Variants in CTNND2 observed in about 807,000 individuals in gnomAD.
CTNND2 encodes catenin delta 2, also known as catenin delta-2.
In CTNND2, 22 loss-of-function variants were observed where a neutral mutation model predicts 144.4. The ratio of observed to expected loss-of-function variants is 0.15; its 90% CI spans 0.11 to 0.22. CTNND2 has a LOEUF of 0.22. Ranked by LOEUF, CTNND2 falls within the 10% of genes least tolerant of loss-of-function variation. CTNND2 has a pLI of 1.00. For synonymous variants in CTNND2, 751 were observed against 695.6 expected (o/e 1.08, Z -1.25); for missense variants, 1,353 against 1,618.8 (o/e 0.84, Z 2.82).
chr5:11,321,318 C>T (rs1351214411), intron 9 of CTNND2, among the ~76,000 whole-genome samples: 2 of 152,160 alleles, frequency 1.3e-5, no homozygotes, highest in African/African-American at 4.8e-5. Flanking sequence ...TACGTCAAAT[C>T]AACATTATAC....
At position 11,020,149 on chromosome 5, in the gene CTNND2, C is replaced by T. The variant is rs374317771; in HGVS notation, c.3000-2091G>A. 1.8e-3 allele frequency among the ~76,000 whole-genome samples: 270 copies of T among 152,236 alleles called. 4 individuals carry two copies. Among genetic ancestry groups the T allele is most frequent in the African/African-American group, 6.2e-3 (257 of 41,546 alleles). On this transcript the variant is annotated intron_variant, in intron 17 of 21. Transcript: ENST00000304623. ...AGCCCCCTTGGTTGTGTCCGCCAGA[C>T]GCTGTGAGTTGTGCAGTTCTGATAG...
At chr5:11,129,150 A>AT (rs1390374785) in intron 12 of CTNND2, among the ~76,000 whole-genome samples, 4 of 15,894 alleles carry the variant, frequency 2.5e-4, no homozygotes, top group African/African-American at 6.9e-4. Context: ...TTATATATAA[A>AT]ATATACATAT....
intron 2 of CTNND2, among the ~76,000 whole-genome samples, chr5:11,706,718 A>C (rs1327971189): frequency 6.6e-6 from 1 of 152,118 alleles, no homozygotes; most frequent in Non-Finnish European, 1.5e-5. Context: ...CATTTCTGAG[A>C]TTTGCACAAA....
chr5:11,254,698 A>G (rs1439471909), intron 9 of CTNND2, among the ~76,000 whole-genome samples: 1 of 152,230 alleles, frequency 6.6e-6, no homozygotes, highest in Non-Finnish European at 1.5e-5. Context: ...TTACACTTCA[A>G]GAAGTATGAA....
chr5:11,188,552 G>A (rs1463084820), intron 11 of CTNND2, among the ~76,000 whole-genome samples: 1 of 152,112 alleles, frequency 6.6e-6, no homozygotes, highest in Non-Finnish European at 1.5e-5. Flanking sequence ...AAGCCACCAT[G>A]GCACACATTT....
intron 1 of CTNND2, among the ~76,000 whole-genome samples, chr5:11,754,462 ATGTT>A (rs59726703): frequency 0.87 from 129,934 of 148,536 alleles, 59,045 homozygotes; most frequent in Non-Finnish European, 0.99. Flanking sequence ...AGTTCTGTAG[ATGTT>A]TGTTAGATCT....
intron 3 of CTNND2, among the ~76,000 whole-genome samples, chr5:11,425,862 C>T (rs1233264815): frequency 6.6e-6 from 1 of 152,176 alleles, no homozygotes; most frequent in East Asian, 1.9e-4. Flanking sequence ...TGAGATCTTC[C>T]ATGATCTTCC....
chr5:11,768,267 A>AGTTCTGTTTTGTTTTGTTTT (rs1789709915), intron 1 of CTNND2, among the ~76,000 whole-genome samples: 1 of 148,728 alleles, frequency 6.7e-6, no homozygotes, highest in African/African-American at 2.5e-5. Context: ...CCCACTCAGG[A>AGTTCTGTTTTGTTTTGTTTT]GTTTTGTTTT....
intron 2 of CTNND2, among the ~76,000 whole-genome samples, chr5:11,596,631 T>G (rs1241445739): frequency 6.6e-6 from 1 of 152,222 alleles, no homozygotes; most frequent in Non-Finnish European, 1.5e-5. Context: ...CCATTCCCTG[T>G]AGGATATATT....
At chr5:11,411,449 T>A (rs1761521115) in intron 5 of CTNND2, 87 bp downstream of exon 5, 4 of 705,224 alleles carry the variant, frequency 5.7e-6, no homozygotes, top group Non-Finnish European at 1.0e-5. Flanking sequence ...TCATTTGATA[T>A]GGCTCATAAC....
chr5:11,731,696 T>A (rs907586834), intron 2 of CTNND2, among the ~76,000 whole-genome samples: 2 of 152,200 alleles, frequency 1.3e-5, no homozygotes, highest in Non-Finnish European at 2.9e-5. Flanking sequence ...CAGATCCATC[T>A]CAGAAAACAC....
intron 3 of CTNND2, among the ~76,000 whole-genome samples, chr5:11,503,933 G>A (rs1452878850): frequency 2.6e-5 from 4 of 152,010 alleles, no homozygotes; most frequent in Non-Finnish European, 2.9e-5. Context: ...TCAGAATGAA[G>A]GACAACACAT....
intron 2 of CTNND2, among the ~76,000 whole-genome samples, chr5:11,603,904 G>T (rs1238201930): frequency 3.3e-5 from 5 of 152,108 alleles, no homozygotes; most frequent in African/African-American, 4.8e-5. Context: ...TCTTCCAAAA[G>T]CTCAATTTTA....
intron 14 of CTNND2, among the ~76,000 whole-genome samples, chr5:11,105,444 G>A (rs143840693): frequency 1.1e-3 from 172 of 152,330 alleles, no homozygotes; most frequent in African/African-American, 4.0e-3. Flanking sequence ...AGTCCAGGGA[G>A]GCTGGCAAAT....
At chr5:11,030,345 T>C (rs754947713) in intron 16 of CTNND2, among the ~76,000 whole-genome samples, 1 of 152,094 alleles carries the variant, frequency 6.6e-6, no homozygotes, top group Non-Finnish European at 1.5e-5. Flanking sequence ...CCTTTCCCAC[T>C]TTTTTTCTCC....
At chr5:11,663,394 A>G (rs1783387268) in intron 2 of CTNND2, among the ~76,000 whole-genome samples, 2 of 152,200 alleles carry the variant, frequency 1.3e-5, no homozygotes, top group Admixed American at 1.3e-4. Context: ...GTCAATAAGT[A>G]CAGCGGAAAA....
chr5:11,389,088 G>A (rs908965434), intron 6 of CTNND2, among the ~76,000 whole-genome samples: 6 of 152,122 alleles, frequency 3.9e-5, no homozygotes, highest in Admixed American at 6.5e-5. Flanking sequence ...AATAGATTGG[G>A]CCCCATCCTT....
intron 1 of CTNND2, among the ~76,000 whole-genome samples, chr5:11,814,348 A>G (rs1048051888): frequency 6.6e-6 from 1 of 152,272 alleles, no homozygotes; most frequent in African/African-American, 2.4e-5. Flanking sequence ...GTGGACAAAC[A>G]TCTAATTAAA....
At chr5:11,155,572 G>C (rs957450187) in intron 12 of CTNND2, among the ~76,000 whole-genome samples, 1 of 152,094 alleles carries the variant, frequency 6.6e-6, no homozygotes, top group Non-Finnish European at 1.5e-5. Context: ...AAGAGGTAGC[G>C]GAGGCAGAGC....
Sources: allele counts gnomAD v4.1 joint callset (sites outside exome capture counted in the v4.1 genomes callset), GRCh38; gene constraint gnomAD v4.1.1; transcripts MANE v1.5; gene names NCBI Gene and HGNC (gene_info 2026-07-23, HGNC 2026-07-21).